GRIN3A: variants seen among roughly 807,000 people sequenced by gnomAD.
The protein encoded by GRIN3A is glutamate receptor ionotropic, NMDA 3A.
In GRIN3A, 47 loss-of-function variants were observed where a neutral mutation model predicts 92.4. The observed-to-expected ratio is 0.51, with a 90% CI of 0.40 to 0.65. The LOEUF (loss-of-function observed/expected upper bound fraction) is 0.65, where lower values mean the gene tolerates loss of function less well. Ranked by LOEUF, GRIN3A falls within the 30% of genes least tolerant of loss-of-function variation. GRIN3A has a pLI of 0.00. For missense variants in GRIN3A, 1,324 were observed against 1,393.1 expected (o/e 0.95, Z 0.79); for synonymous variants, 527 against 540.6 (o/e 0.97, Z 0.35).
chr9:101,616,059 C>G (rs538003433), intron 5 of GRIN3A, among the ~76,000 whole-genome samples: 5 of 152,164 alleles, frequency 3.3e-5, no homozygotes, highest in Non-Finnish European at 7.3e-5. Flanking sequence ...ACAGCAGAGA[C>G]CATATCCACC....
intron 6 of GRIN3A, among the ~76,000 whole-genome samples, chr9:101,600,144 C>G (rs1828192708): frequency 6.6e-6 from 1 of 152,142 alleles, no homozygotes; most frequent in African/African-American, 2.4e-5. Context: ...ATTACTAACT[C>G]ATAACATCAC....
chr9:101,737,950 C>T lies in GRIN3A; in HGVS notation c.30G>A (p.Leu10=), dbSNP rs541446033. Residue 10 remains leucine (L), a synonymous_variant, in exon 1 of 9, where the codon CTG becomes CTA. Transcript: ENST00000361820. Reference sequence around the variant, plus strand: ...GCGGCAACAGCAGACAGACCCTGCTCAGCAGCCACCACAAACTCAGTCTCC... The same window carrying T: ...GCGGCAACAGCAGACAGACCCTGCTTAGCAGCCACCACAAACTCAGTCTCC... The part of the protein sequence containing the change: MRRLSLWWL[L]SRVCLLLPPP... 4.6e-6 allele frequency: 7 copies of T among 1,537,508 alleles called. No homozygotes were observed. Among genetic ancestry groups the T allele is most frequent in the Non-Finnish European group, 6.1e-6 (7 of 1,148,442 alleles).
At chr9:101,697,820 T>A (rs547853636) in intron 1 of GRIN3A, among the ~76,000 whole-genome samples, 9 of 152,262 alleles carry the variant, frequency 5.9e-5, no homozygotes, top group African/African-American at 1.9e-4. Context: ...ATTATAAAGG[T>A]TAATAATTTG....
chr9:101,728,697 G>T lies in GRIN3A; in HGVS notation c.699+8584C>A, dbSNP rs533401802. ...AAAATTTCAACCATTATCCTTGAAA[G>T]AATAAAAAGCATTAAATGCGACTCA... On this transcript the variant is annotated intron_variant, in intron 1 of 8. Coordinates refer to ENST00000361820, the MANE Select transcript of GRIN3A (RefSeq NM_133445.3). Among the ~76,000 whole-genome samples, 167 of 152,246 alleles carry T rather than the reference G, an allele frequency of 1.1e-3. 2 individuals carry two copies. The highest frequency in any genetic ancestry group is 3.8e-3 in the African/African-American group (156 of 41,546).
Position 101,686,938 on chromosome 9 carries a change from C to T in GRIN3A, c.962G>A (p.Ser321Asn), listed in dbSNP as rs948366150. The change falls in exon 2 of 9, where the codon AGC becomes AAC. Residue 321 changes from serine (S) to asparagine (N), a missense_variant. By Grantham distance (46) the Ser-to-Asn change is conservative. Coordinates refer to ENST00000361820, the MANE Select transcript of GRIN3A (RefSeq NM_133445.3). ...GCCAAACATCACCACTGTGGGTGTG[C>T]TGTTCTTAATACTCTCAAGCTGGAT... ...LQIQLESIKN[S>N]TPTVVMFGCD... The T allele has an allele frequency of 6.2e-7, 1 of 1,614,180 alleles. No individual in the cohort carries two copies. Among genetic ancestry groups the T allele is most frequent in the Non-Finnish European group, 8.5e-7 (1 of 1,180,008 alleles).
intron 1 of GRIN3A, among the ~76,000 whole-genome samples, chr9:101,733,288 G>A (rs1429141109): frequency 1.3e-5 from 2 of 152,202 alleles, no homozygotes; most frequent in South Asian, 2.1e-4. Context: ...AATGGTGCCT[G>A]CTAGTCTCCT....
At chr9:101,646,553 A>T (rs1318471332) in intron 3 of GRIN3A, among the ~76,000 whole-genome samples, 1 of 151,946 alleles carries the variant, frequency 6.6e-6, no homozygotes. Context: ...ATTTCTTTGA[A>T]GAATATCATT....
intron 1 of GRIN3A, among the ~76,000 whole-genome samples, chr9:101,730,422 A>G (rs1293092534): frequency 6.6e-6 from 1 of 152,220 alleles, no homozygotes; most frequent in Non-Finnish European, 1.5e-5. Flanking sequence ...TCATAAGAAC[A>G]CACTGCTCTA....
intron 3 of GRIN3A, among the ~76,000 whole-genome samples, chr9:101,657,568 A>G (rs1189048211): frequency 6.6e-6 from 1 of 151,956 alleles, no homozygotes; most frequent in Non-Finnish European, 1.5e-5. Flanking sequence ...GAGATTTAAC[A>G]GTGGGAATAT....
chr9:101,573,773 A>ATT (rs5899448), intron 8 of GRIN3A, among the ~76,000 whole-genome samples: 70 of 92,600 alleles, frequency 7.6e-4, no homozygotes, highest in Middle Eastern at 7.8e-3. Flanking sequence ...GGTATGGTGC[A>ATT]TTTTTTTTTT....
At chr9:101,704,834 A>G (rs7026897) in intron 1 of GRIN3A, among the ~76,000 whole-genome samples, 23,420 of 152,098 alleles carry the variant, frequency 0.15, 2,823 homozygotes, top group African/African-American at 0.34. Flanking sequence ...AAGATGTTTT[A>G]TGATGTGTGT....
chr9:101,631,914 T>C (rs540029676), intron 3 of GRIN3A, among the ~76,000 whole-genome samples: 2 of 152,276 alleles, frequency 1.3e-5, no homozygotes, highest in African/African-American at 4.8e-5. Context: ...TCAGAGAAAT[T>C]TTAGAATTCA....
At chr9:101,715,088 T>C (rs1439699653) in intron 1 of GRIN3A, among the ~76,000 whole-genome samples, 1 of 151,908 alleles carries the variant, frequency 6.6e-6, no homozygotes, top group South Asian at 2.1e-4. Flanking sequence ...AAAGGATCCT[T>C]GGACATTCTT....
chr9:101,682,531 G>A (rs1464770876), intron 2 of GRIN3A, among the ~76,000 whole-genome samples: 1 of 152,174 alleles, frequency 6.6e-6, no homozygotes, highest in Non-Finnish European at 1.5e-5. Flanking sequence ...TAGACTGTCA[G>A]CTCCTAAATG....
intron 3 of GRIN3A, among the ~76,000 whole-genome samples, chr9:101,655,239 C>A (rs550178682): frequency 6.6e-6 from 1 of 151,928 alleles, no homozygotes; most frequent in East Asian, 1.9e-4. Flanking sequence ...ATCCTGAAAA[C>A]CTTCGCTGCC....
chr9:101,688,937 G>T (rs913516272), intron 1 of GRIN3A, among the ~76,000 whole-genome samples: 1 of 152,096 alleles, frequency 6.6e-6, no homozygotes, highest in African/African-American at 2.4e-5. Context: ...AAGAGAGAAA[G>T]GTCTCAAAAA....
intron 3 of GRIN3A, among the ~76,000 whole-genome samples, chr9:101,662,881 T>C (rs1829188872): frequency 6.6e-6 from 1 of 151,904 alleles, no homozygotes; most frequent in South Asian, 2.1e-4. Context: ...GAATAGGATA[T>C]TTCTCCTATT....
At chr9:101,584,910 C>G (rs929954437) in intron 6 of GRIN3A, among the ~76,000 whole-genome samples, 1 of 152,204 alleles carries the variant, frequency 6.6e-6, no homozygotes, top group Non-Finnish European at 1.5e-5. Context: ...AAGTGTTTCA[C>G]TCATCATTTG....
At chr9:101,671,970 T>C (rs144576828) in intron 2 of GRIN3A, among the ~76,000 whole-genome samples, 4 of 152,306 alleles carry the variant, frequency 2.6e-5, no homozygotes, top group East Asian at 3.9e-4. Context: ...TAGACTAATA[T>C]GGCTTGGTCT....
Sources: gnomAD v4.1 joint callset for allele counts (sites outside exome capture counted in the v4.1 genomes callset) on GRCh38, gnomAD v4.1.1 for gene constraint, MANE v1.5 for transcripts, NCBI Gene and HGNC (gene_info 2026-07-23, HGNC 2026-07-21) for gene names.